The following ACSL1 variants were observed in gnomAD, a reference collection of about 807,000 sequenced individuals.
ACSL1 encodes the protein acyl-CoA synthetase long chain family member 1, also known as long-chain-fatty-acid--CoA ligase 1.
A neutral mutation model predicts 98.4 loss-of-function variants in ACSL1; 41 were observed. The ratio of observed to expected loss-of-function variants is 0.42; its 90% CI spans 0.32 to 0.54. The LOEUF is 0.54. Ranked by LOEUF, ACSL1 falls within the 20% of genes least tolerant of loss-of-function variation. The probability of loss-of-function intolerance (pLI) is 0.13; values close to 1 mark genes in which losing one functional copy is unlikely to be tolerated. For missense variants in ACSL1, 734 were observed against 883.1 expected (o/e 0.83, Z 2.14); for synonymous variants, 316 against 322.7 (o/e 0.98, Z 0.22).
chr4:184,766,410 T>A lies in ACSL1; in HGVS notation c.1263+212A>T, dbSNP rs530749532. Reference sequence around the variant, plus strand: ...AGAAAGGCTCCACTACCCTGACTCCTTTTCCCCCTAGATGGCTGCAATACT... The same window carrying A: ...AGAAAGGCTCCACTACCCTGACTCCATTTCCCCCTAGATGGCTGCAATACT... On this transcript the variant is annotated intron_variant, in intron 13 of 20. Transcript: ENST00000281455. This position sits in a 1 kb window ranked among gnomAD's most constrained non-coding sequence, Gnocchi z 4.8. Among the ~76,000 whole-genome samples, 1 of 152,286 alleles carries A rather than the reference T, an allele frequency of 6.6e-6. No homozygotes were observed. The highest frequency in any genetic ancestry group is 1.5e-5 in the Non-Finnish European group (1 of 68,016).
intron 2 of ACSL1, among the ~76,000 whole-genome samples, chr4:184,801,581 A>G (rs1770530629): frequency 6.6e-6 from 1 of 152,232 alleles, no homozygotes; most frequent in Non-Finnish European, 1.5e-5. Flanking sequence ...GTAATTATTA[A>G]GCACCAGAAT....
In ACSL1 at chr4:184,812,121, C is replaced by A. The variant is rs1402651727; in HGVS notation, c.-32-8575G>T. 2.4e-5 allele frequency: 22 copies of A among 898,310 alleles called. No homozygotes were observed. In the East Asian group the frequency reaches 2.2e-3, roughly 92 times the overall value. The allele number at this position is 898,310 out of a possible 1,614,324, so 55.6% of individuals were successfully genotyped here. On this transcript the variant is annotated intron_variant, in intron 1 of 20. Coordinates refer to ENST00000281455, the MANE Select transcript of ACSL1 (RefSeq NM_001995.5). ...AACTCCAGGACTTCTTTATTTGTAA[C>A]CCCTGTGTGGTACTTAGCACCTCCT...
intron 2 of ACSL1, among the ~76,000 whole-genome samples, chr4:184,791,588 T>A (rs1768375235): frequency 6.6e-6 from 1 of 152,116 alleles, no homozygotes. Flanking sequence ...GGACAGCAGG[T>A]TTCCAGCAGG....
At chr4:184,770,089 C>T (rs1349598224) in intron 11 of ACSL1, among the ~76,000 whole-genome samples, 1 of 152,140 alleles carries the variant, frequency 6.6e-6, no homozygotes, top group Non-Finnish European at 1.5e-5. Context: ...ACATTAGTAT[C>T]CTTCAAAAGT....
In ACSL1 at chr4:184,760,437, T is replaced by C. The variant is rs1168499019; in HGVS notation, c.1702A>G (p.Ile568Val). Reference protein sequence around the residue: ...HIFKLAQGEYIAPEKIENIYM... With the variant: ...HIFKLAQGEYVAPEKIENIYM... ...ATATTTTCAATCTTTTCAGGGGCTA[T>C]GTATTCTCCTTGTGCCAGCTTAAAT... The change falls in exon 18 of 21, where the codon ATA becomes GTA. Residue 568 changes from isoleucine (I) to valine (V), a missense_variant. By Grantham distance (29) the Ile-to-Val change is conservative. Coordinates refer to ENST00000281455, the MANE Select transcript of ACSL1 (RefSeq NM_001995.5). 1.9e-6 allele frequency: 3 copies of C among 1,614,102 alleles called. No homozygotes were observed. The highest frequency in any genetic ancestry group is 2.2e-5 in the East Asian group (1 of 44,898).
Position 184,757,912 on chromosome 4 carries a change from G to A in ACSL1, c.1791C>T (p.Leu597=). 6.2e-7 allele frequency: 1 copy of A among 1,613,960 alleles called. No homozygotes were observed. The highest frequency in any genetic ancestry group is 8.5e-7 in the Non-Finnish European group (1 of 1,179,894). The change falls in exon 19 of 21, where the codon CTC becomes CTT. Residue 597 remains leucine (L), a synonymous_variant. Coordinates refer to ENST00000281455, the MANE Select transcript of ACSL1 (RefSeq NM_001995.5). The surrounding 1 kb of genome is among the most constrained non-coding windows in gnomAD (Gnocchi z 4.5). ...CAACATCTGGTACCACAATTGCAATGAGAAATGCCTTTAACACAGACAAAT... is the reference window on the plus strand; with the variant it reads ...CAACATCTGGTACCACAATTGCAATAAGAAATGCCTTTAACACAGACAAAT... ...FVHGESLQAF[L]IAIVVPDVET...
At chr4:184,777,604 G>C (rs972245203) in intron 5 of ACSL1, among the ~76,000 whole-genome samples, 3 of 151,786 alleles carry the variant, frequency 2.0e-5, no homozygotes, top group Admixed American at 6.6e-5. Context: ...GAGAGAAAGA[G>C]AGAAAGAAAG....
At chr4:184,802,111 G>A (rs764294888) in intron 2 of ACSL1, among the ~76,000 whole-genome samples, 20 of 152,148 alleles carry the variant, frequency 1.3e-4, no homozygotes, top group Non-Finnish European at 2.8e-4. Flanking sequence ...AAATATTAAG[G>A]TACCCTGACC....
chr4:184,814,256 T>A (rs13124672), intron 1 of ACSL1, among the ~76,000 whole-genome samples: 120,332 of 146,686 alleles, frequency 0.82, 49,458 homozygotes, highest in African/African-American at 0.88. Context: ...GTGCCACTGC[T>A]CTCCAGCCTG....
At chr4:184,796,662 TA>T (rs1561224952) in intron 2 of ACSL1, among the ~76,000 whole-genome samples, 1 of 152,220 alleles carries the variant, frequency 6.6e-6, no homozygotes, top group African/African-American at 2.4e-5. Context: ...CAGATTTCCA[TA>T]AGGATGAAGG....
At chr4:184,805,350 G>T in intron 1 of ACSL1, 1 of 393,350 alleles carries the variant, frequency 2.5e-6, no homozygotes, top group Non-Finnish European at 3.5e-6. Flanking sequence ...TATTTGCTCT[G>T]CTCATTCAAT....
rs1416490506 is a variant in ACSL1, at chr4:184,825,871, A to C, written c.-33+45T>G. 3.4e-5 allele frequency: 5 copies of C among 148,360 alleles called. 1 individual carries two copies. The South Asian group carries it at 8.3e-4, about 25-fold the overall frequency. 9.2% of individuals were successfully genotyped at this position (148,360 alleles called of 1,614,324 possible). A position where few individuals can be genotyped will look rare whatever the true frequency, so the allele number is the denominator to read the frequency against. ...CCGGCGCCTCGGCCGGGGCCCGGGC[A>C]CCGCCGCGGGAGCAGGCGCGGCTCC... On this transcript the variant is annotated intron_variant, in intron 1 of 20. Coordinates refer to ENST00000281455, the MANE Select transcript of ACSL1 (RefSeq NM_001995.5). The surrounding 1 kb of genome is among the most constrained non-coding windows in gnomAD (Gnocchi z 4.7).
At chr4:184,800,506 T>G (rs1230862913) in intron 2 of ACSL1, among the ~76,000 whole-genome samples, 2 of 152,224 alleles carry the variant, frequency 1.3e-5, no homozygotes, top group East Asian at 1.9e-4. Context: ...ACCGGAACAC[T>G]GGCTAACACC....
chr4:184,824,431 T>G (rs1245990743), intron 1 of ACSL1, among the ~76,000 whole-genome samples: 4 of 152,008 alleles, frequency 2.6e-5, no homozygotes, highest in Admixed American at 2.6e-4. Flanking sequence ...TCTGGGTAAT[T>G]TTTTTTTAAG....
intron 2 of ACSL1, among the ~76,000 whole-genome samples, chr4:184,800,013 G>A (rs1770196285): frequency 6.6e-6 from 1 of 152,128 alleles, no homozygotes; most frequent in African/African-American, 2.4e-5. Context: ...AATGAAGGCA[G>A]CATAACAGAG....
Position 184,803,462 on chromosome 4 carries a change from A to G in ACSL1, c.53T>C (p.Phe18Ser), listed in dbSNP as rs1259445079. ...RYFRMPELVD[F>S]RQYVRTLPTN... ...CGGAAGAGTACGCACGTACTGTCGGAAGTCAACCAGCTCTGGCATTCGAAA... is the reference window on the plus strand; with the variant it reads ...CGGAAGAGTACGCACGTACTGTCGGGAGTCAACCAGCTCTGGCATTCGAAA... The change falls in exon 2 of 21, where the codon TTC (phenylalanine) becomes TCC (serine). Residue 18 changes from phenylalanine (F) to serine (S), a missense_variant. By Grantham distance (155) the Phe-to-Ser change is radical (BLOSUM62 -2). Transcript: ENST00000281455. The surrounding 1 kb of genome is among the most constrained non-coding windows in gnomAD (Gnocchi z 4.8). The G allele has an allele frequency of 6.2e-7, 1 of 1,612,198 alleles. No individual in the cohort carries two copies. Among genetic ancestry groups the G allele is most frequent in the South Asian group, 1.1e-5 (1 of 90,912 alleles).
intron 1 of ACSL1, among the ~76,000 whole-genome samples, chr4:184,824,948 C>T (rs1273692124): frequency 6.6e-6 from 1 of 152,150 alleles, no homozygotes. Context: ...GCAGAAACTG[C>T]AAGATTTAAC....
intron 7 of ACSL1, among the ~76,000 whole-genome samples, chr4:184,775,183 C>T (rs550095893): frequency 6.6e-6 from 1 of 152,282 alleles, no homozygotes; most frequent in Non-Finnish European, 1.5e-5. Context: ...GAGTCTCGCT[C>T]TGTCACCCAG....
chr4:184,822,584 CA>C (rs1773146423), intron 1 of ACSL1, among the ~76,000 whole-genome samples: 1 of 151,642 alleles, frequency 6.6e-6, no homozygotes, highest in East Asian at 1.9e-4. Context: ...GAAAAAAATA[CA>C]AAAATTAGCT....
Sources: gnomAD v4.1 joint callset for allele counts (sites outside exome capture counted in the v4.1 genomes callset) on GRCh38, gnomAD v4.1.1 for gene constraint, Gnocchi (gnomAD v3.1) non-coding constraint, MANE v1.5 for transcripts, NCBI Gene and HGNC (gene_info 2026-07-23, HGNC 2026-07-21) for gene names.